The following GABRP variants were observed in gnomAD, a reference collection of about 807,000 sequenced individuals.
The protein encoded by GABRP is gamma-aminobutyric acid type A receptor subunit pi.
In GABRP, 52 loss-of-function variants were observed where a neutral mutation model predicts 47.8. That is an observed-to-expected ratio of 1.09 (90% CI 0.87 to 1.37). GABRP has a LOEUF of 1.37. Ranked by LOEUF, GABRP falls within the 40% of genes most tolerant of loss-of-function variation. The probability of loss-of-function intolerance (pLI) is 0.00; values close to 1 mark genes in which losing one functional copy is unlikely to be tolerated. For synonymous variants in GABRP, 221 were observed against 205.8 expected, an observed-to-expected ratio of 1.07 and a Z score of -0.63; for missense variants, 525 against 542.8, an observed-to-expected ratio of 0.97 and a Z score of 0.33.
At chr5:170,787,404 C>T (rs975036906) in intron 1 of GABRP, among the ~76,000 whole-genome samples, 35 of 152,234 alleles carry the variant, frequency 2.3e-4, no homozygotes, top group Non-Finnish European at 4.1e-4. Flanking sequence ...TGCCTGGCTA[C>T]CCCCTGCTCC....
chr5:170,802,233 G>A (rs368924113), intron 6 of GABRP, among the ~76,000 whole-genome samples: 52 of 152,202 alleles, frequency 3.4e-4, no homozygotes, highest in African/African-American at 1.2e-3. Context: ...AAACCGCTCC[G>A]AAATGCCCAC....
chr5:170,788,626 G>A lies in GABRP; in HGVS notation c.11G>A (p.Ser4Asn). 5.0e-6 allele frequency: 8 copies of A among 1,614,144 alleles called. No homozygotes were observed. Among genetic ancestry groups the A allele is most frequent in the Non-Finnish European group, 6.8e-6 (8 of 1,180,020 alleles). MNY[S>N]LHLAFVCLSL... ...GAGCAGCTTCTCAACATGAACTACA[G>A]CCTCCACTTGGCCTTCGTGTGTCTG... The change falls in exon 2 of 10, where the codon AGC (serine) becomes AAC (asparagine). Residue 4 changes from serine to asparagine, a missense_variant. Coordinates refer to ENST00000265294, the MANE Select transcript of GABRP (RefSeq NM_014211.3).
intron 1 of GABRP, among the ~76,000 whole-genome samples, chr5:170,787,586 C>A (rs1415049076): frequency 6.6e-6 from 1 of 152,034 alleles, no homozygotes; most frequent in African/African-American, 2.4e-5. Flanking sequence ...AAGGCCCAGG[C>A]CCCAGCCTGC....
chr5:170,803,482 T>C (rs927172166), intron 6 of GABRP, among the ~76,000 whole-genome samples: 8 of 152,178 alleles, frequency 5.3e-5, no homozygotes, highest in Admixed American at 1.3e-4. Flanking sequence ...TTTTAACAGC[T>C]TTATTGAGGT....
Position 170,809,610 on chromosome 5 carries a change from C to G in GABRP, c.875C>G (p.Ser292Cys). The G allele has an allele frequency of 6.2e-7, 1 of 1,614,140 alleles. No individual in the cohort carries two copies. The highest frequency in any genetic ancestry group is 8.5e-7 in the Non-Finnish European group (1 of 1,180,036). Residue 292 changes from serine to cysteine, a missense_variant, in exon 9 of 10, where the codon TCC (serine) becomes TGC (cysteine). By Grantham distance (112) the Ser-to-Cys change is moderately radical. Transcript: ENST00000265294. ...TCAATGACCACACTGATGATCGGGTCCCGCACTTCTCTTCCCAACACCAAC... is the reference window on the plus strand; with the variant it reads ...TCAATGACCACACTGATGATCGGGTGCCGCACTTCTCTTCCCAACACCAAC... ...VLSMTTLMIG[S>C]RTSLPNTNCF... is the part of the protein sequence containing the mutation.
chr5:170,788,728 G>A, intron 2 of GABRP, 60 bp downstream of exon 2: 1 of 1,519,422 alleles, frequency 6.6e-7, no homozygotes, highest in Non-Finnish European at 9.1e-7. Context: ...CGGGCATGTG[G>A]TGGGAGGGGG....
chr5:170,794,170 A>G, intron 3 of GABRP, 61 bp from the exon 4 acceptor site: 1 of 1,080,632 alleles, frequency 9.3e-7, no homozygotes, highest in Non-Finnish European at 1.4e-6. Context: ...GAATGCACTA[A>G]TATAGTATTA....
chr5:170,790,109 T>C lies in GABRP; in HGVS notation c.172+862T>C, dbSNP rs768080025. Among the ~76,000 whole-genome samples the C allele has an allele frequency of 2.7e-4, 41 of 152,212 alleles. 1 individual carries two copies. Among genetic ancestry groups the C allele is most frequent in the Admixed American group, 2.2e-3 (33 of 15,296 alleles). On this transcript the variant is annotated intron_variant, in intron 3 of 9. Transcript: ENST00000265294. ...ACTTCATTTCCCTCACTATCCCCCA[T>C]AGAAGCTCAGTGCGTGACATATAAC...
chr5:170,797,593 A>G, intron 6 of GABRP, 45 bp downstream of exon 6: 1 of 1,193,006 alleles, frequency 8.4e-7, no homozygotes, highest in African/African-American at 1.5e-5. Flanking sequence ...TTCCTGGGTG[A>G]CTTAGGTGTG....
intron 6 of GABRP, among the ~76,000 whole-genome samples, chr5:170,801,267 G>A (rs796867934): frequency 6.6e-6 from 1 of 152,008 alleles, no homozygotes; most frequent in Non-Finnish European, 1.5e-5. Flanking sequence ...CCAGTGGCTT[G>A]TTTGTGATCT....
intron 7 of GABRP, among the ~76,000 whole-genome samples, chr5:170,807,272 A>G (rs1398361780): frequency 6.6e-6 from 1 of 152,206 alleles, no homozygotes; most frequent in African/African-American, 2.4e-5. Flanking sequence ...TTAAGTAATT[A>G]TCATGAATTA....
chr5:170,796,992 G>A (rs534651930), intron 5 of GABRP, among the ~76,000 whole-genome samples: 6 of 152,314 alleles, frequency 3.9e-5, no homozygotes, highest in Admixed American at 1.3e-4. Context: ...TTCCCATGAG[G>A]AGGCAGGGCC....
intron 4 of GABRP, 83 bp downstream of exon 4, chr5:170,794,381 A>C: frequency 1.5e-6 from 1 of 676,626 alleles, no homozygotes; most frequent in East Asian, 3.1e-5. Context: ...CGCTCAAAAA[A>C]AAAAAAAAAA....
In GABRP at chr5:170,797,449, C is replaced by T. The variant is rs1246385214; in HGVS notation, c.459-17C>T. The T allele has an allele frequency of 6.5e-7, 1 of 1,537,602 alleles. No homozygotes were observed. Reference sequence around the variant, plus strand: ...CTTCCTCACAATACTGTTTTTGAACCTGTTTTTCCCTCTTAGAATCACGAC... The same window carrying T: ...CTTCCTCACAATACTGTTTTTGAACTTGTTTTTCCCTCTTAGAATCACGAC... On this transcript the variant is annotated splice_polypyrimidine_tract_variant and intron_variant, in intron 5 of 9. Coordinates refer to ENST00000265294, the MANE Select transcript of GABRP (RefSeq NM_014211.3).
At chr5:170,798,198 C>T (rs545847082) in intron 6 of GABRP, among the ~76,000 whole-genome samples, 7 of 152,274 alleles carry the variant, frequency 4.6e-5, no homozygotes, top group East Asian at 3.9e-4. Flanking sequence ...CCCGCCACCA[C>T]GCCCGGCTAA....
chr5:170,812,599 T>C lies in GABRP; in HGVS notation c.*341T>C, dbSNP rs556937636. On this transcript the variant is annotated 3_prime_UTR_variant, in exon 10 of 10. Transcript: ENST00000265294. ...CATATAAAGAATGGGAAGGAGACCA[T>C]TGGGTAACCCTCAAGTGTCAGAAGT... is the stretch of plus-strand genomic sequence containing the variant. The C allele has an allele frequency of 8.5e-4, 181 of 213,666 alleles. 1 individual carries two copies. Among genetic ancestry groups the C allele is most frequent in the African/African-American group, 3.8e-3 (168 of 44,156 alleles). 13.2% of individuals were successfully genotyped at this position (213,666 alleles called of 1,614,324 possible).
chr5:170,792,508 T>C (rs1446946820), intron 3 of GABRP, among the ~76,000 whole-genome samples: 2 of 151,726 alleles, frequency 1.3e-5, no homozygotes, highest in Non-Finnish European at 2.9e-5. Flanking sequence ...AAACTTGAAA[T>C]TTGCTGAAGA....
At chr5:170,795,544 T>C in intron 5 of GABRP, 119 bp downstream of exon 5, 1 of 749,722 alleles carries the variant, frequency 1.3e-6, no homozygotes, top group East Asian at 2.6e-5. Flanking sequence ...CATGGCTTCT[T>C]AGATCCTTGC....
At chr5:170,789,594 C>A (rs1400492431) in intron 3 of GABRP, among the ~76,000 whole-genome samples, 1 of 152,170 alleles carries the variant, frequency 6.6e-6, no homozygotes, top group African/African-American at 2.4e-5. Context: ...CCCCCTCCAG[C>A]CTGAGCCCTT....
Sources: allele counts gnomAD v4.1 joint callset (sites outside exome capture counted in the v4.1 genomes callset), GRCh38; gene constraint gnomAD v4.1.1; transcripts MANE v1.5; gene names NCBI Gene and HGNC (gene_info 2026-07-23, HGNC 2026-07-21).